The following CD84 variants were observed in gnomAD, a reference collection of about 807,000 sequenced individuals.
The protein encoded by CD84 is SLAM family member 5.
A neutral mutation model predicts 33.8 loss-of-function variants in CD84; 22 were observed. The ratio of observed to expected loss-of-function variants is 0.65; its 90% CI spans 0.46 to 0.93. The LOEUF (loss-of-function observed/expected upper bound fraction) is 0.93. CD84 is among the 40% of genes least tolerant of loss of function. CD84 has a pLI of 0.00. For synonymous variants in CD84, 154 were observed against 145.2 expected, an observed-to-expected ratio of 1.06 and a Z score of -0.44; for missense variants, 400 against 397.6, an observed-to-expected ratio of 1.01 and a Z score of -0.05.
chr1:160,574,260 G>A (rs1381806076), intron 1 of CD84, among the ~76,000 whole-genome samples: 1 of 151,996 alleles, frequency 6.6e-6, no homozygotes, highest in East Asian at 1.9e-4. Context: ...GATGTGAAAG[G>A]TCAAGTATTT....
chr1:160,548,917 C>T (rs902187074), intron 6 of CD84, among the ~76,000 whole-genome samples: 9 of 152,166 alleles, frequency 5.9e-5, no homozygotes, highest in Non-Finnish European at 8.8e-5. Flanking sequence ...AGTTAAGTTA[C>T]TCTTGTTCCT....
rs1470143457 is a variant in CD84 at position 160,544,120 on chromosome 1, C to A, written c.*4136G>T. ...ACATTTATGACCACTCATTATATTT[C>A]CTCTTATTGTCTTTGTTCTTCAAAC... On this transcript the variant is annotated 3_prime_UTR_variant, in exon 7 of 7. Coordinates refer to ENST00000368054, the MANE Select transcript of CD84 (RefSeq NM_003874.4). 1 of 150,122 alleles carries A rather than the reference C, an allele frequency of 6.7e-6. No individual in the cohort carries two copies. The highest frequency in any genetic ancestry group is 2.4e-5 in the African/African-American group (1 of 40,876). 9.3% of individuals were successfully genotyped at this position (150,122 alleles called of 1,614,324 possible).
chr1:160,557,778 G>A (rs1230324975), intron 2 of CD84, among the ~76,000 whole-genome samples: 1 of 152,214 alleles, frequency 6.6e-6, no homozygotes, highest in Non-Finnish European at 1.5e-5. Flanking sequence ...GGGGGCGTCT[G>A]CCATCTCTGT....
chr1:160,579,131 T>C (rs1418947304), intron 1 of CD84, among the ~76,000 whole-genome samples: 1 of 152,164 alleles, frequency 6.6e-6, no homozygotes, highest in Non-Finnish European at 1.5e-5. Context: ...GAGAAGGATT[T>C]GCCTCAGACC....
Position 160,544,663 on chromosome 1 carries a change from C to G in CD84, c.*3593G>C, listed in dbSNP as rs1655720655. The G allele has an allele frequency of 6.6e-6, 1 of 152,142 alleles. No individual in the cohort carries two copies. The highest frequency in any genetic ancestry group is 2.4e-5 in the African/African-American group (1 of 41,398). The allele number at this position is 152,142 out of a possible 1,614,324, so 9.4% of individuals were successfully genotyped here. A position where few individuals can be genotyped will look rare whatever the true frequency, so the allele number is the denominator to read the frequency against. On this transcript the variant is annotated 3_prime_UTR_variant, in exon 7 of 7. Transcript: ENST00000368054. Reference sequence around the variant, plus strand: ...CCCCTTCCTGCCTGTGCCCGATTTCCAAGCTGGCCCAACCAGGCTATTCCC... The same window carrying G: ...CCCCTTCCTGCCTGTGCCCGATTTCGAAGCTGGCCCAACCAGGCTATTCCC...
intron 2 of CD84, among the ~76,000 whole-genome samples, chr1:160,565,011 C>T (rs901877008): frequency 6.6e-6 from 1 of 152,178 alleles, no homozygotes; most frequent in African/African-American, 2.4e-5. Flanking sequence ...GTGAAGGGTA[C>T]ATAGAACCTC....
intron 1 of CD84, among the ~76,000 whole-genome samples, chr1:160,577,596 C>T (rs1182229246): frequency 1.3e-5 from 2 of 152,126 alleles, no homozygotes; most frequent in Non-Finnish European, 2.9e-5. Context: ...TGTTTATGTT[C>T]CTTGGACAAT....
intron 2 of CD84, among the ~76,000 whole-genome samples, chr1:160,561,717 C>T (rs1333934794): frequency 1.3e-5 from 2 of 152,146 alleles, no homozygotes; most frequent in Non-Finnish European, 2.9e-5. Context: ...GAGAGGAAGT[C>T]AAACTGTCTC....
chr1:160,572,113 G>A (rs1657730560), intron 1 of CD84, among the ~76,000 whole-genome samples: 1 of 152,236 alleles, frequency 6.6e-6, no homozygotes. Context: ...AGCCAGGTGG[G>A]CTTGTGCTCA....
rs370760341 is a variant in CD84 at position 160,550,888 on chromosome 1, C to T, written c.858+50G>A. 24 of 1,601,922 alleles carry T rather than the reference C, an allele frequency of 1.5e-5. No individual in the cohort carries two copies. The African/African-American group carries it at 3.1e-4, about 21-fold the overall frequency. On this transcript the variant is annotated intron_variant, in intron 5 of 6. Coordinates refer to ENST00000368054, the MANE Select transcript of CD84 (RefSeq NM_003874.4). ...AGAGGCAATGGCTGCCCATGACTCC[C>T]TGTCATGGAGATGGTGGCACAGGGG...
At chr1:160,571,076 T>C (rs1553234045) in intron 1 of CD84, 1 of 152,136 alleles carries the variant, frequency 6.6e-6, no homozygotes, top group Non-Finnish European at 1.5e-5. Context: ...GACTGTGAAC[T>C]GCCAACTCCG....
At chr1:160,550,249 C>A (rs755903532) in intron 5 of CD84, among the ~76,000 whole-genome samples, 4 of 151,984 alleles carry the variant, frequency 2.6e-5, no homozygotes, top group Non-Finnish European at 5.9e-5. Context: ...CAGGATGAGT[C>A]CTGCTCAGTC....
rs1215466062 is a variant in CD84 at position 160,542,448 on chromosome 1, G to A, written c.*5808C>T. The A allele has an allele frequency of 6.6e-6, 1 of 152,172 alleles. No individual in the cohort carries two copies. The highest frequency in any genetic ancestry group is 2.4e-5 in the African/African-American group (1 of 41,436). 9.4% of individuals were successfully genotyped at this position (152,172 alleles called of 1,614,324 possible). A position where few individuals can be genotyped will look rare whatever the true frequency, so the allele number is the denominator to read the frequency against. ...ATTTTGGACACGCTAAACTTGAGGT[G>A]ACTTCTGACATCTATGCAGAGATGA... is the stretch of plus-strand genomic sequence containing the variant. On this transcript the variant is annotated 3_prime_UTR_variant, in exon 7 of 7. Transcript: ENST00000368054.
chr1:160,560,153 C>T (rs1656856694), intron 2 of CD84, among the ~76,000 whole-genome samples: 1 of 152,044 alleles, frequency 6.6e-6, no homozygotes, highest in East Asian at 1.9e-4. Flanking sequence ...ACCTGTAGAC[C>T]TCTACAGAAC....
intron 1 of CD84, among the ~76,000 whole-genome samples, chr1:160,579,062 T>G (rs1658140259): frequency 6.6e-6 from 1 of 152,178 alleles, no homozygotes; most frequent in African/African-American, 2.4e-5. Flanking sequence ...ATTCAAGCTT[T>G]TAGAAGATCT....
chr1:160,562,366 A>G (rs116341289), intron 2 of CD84, among the ~76,000 whole-genome samples: 1,606 of 152,338 alleles, frequency 0.011, 13 homozygotes, highest in East Asian at 0.024. Context: ...CGGCACTGGT[A>G]CAAAAACAGA....
chr1:160,554,879 T>A (rs1032066977), intron 2 of CD84, among the ~76,000 whole-genome samples: 1 of 152,062 alleles, frequency 6.6e-6, no homozygotes, highest in African/African-American at 2.4e-5. Flanking sequence ...TATCCTCTAG[T>A]GCCCTCTCAG....
chr1:160,550,024 T>C (rs75669774), intron 5 of CD84, 45 bp from the exon 6 acceptor site: 1 of 1,255,154 alleles, frequency 8.0e-7, no homozygotes, highest in Non-Finnish European at 1.1e-6. Flanking sequence ...CCCAGGCCCA[T>C]CTACAAGTCC....
intron 2 of CD84, among the ~76,000 whole-genome samples, chr1:160,562,334 G>C (rs1201290853): frequency 2.0e-5 from 3 of 152,034 alleles, no homozygotes. Flanking sequence ...TATACTACAA[G>C]GCCAAGGTAA....
Sources: allele counts gnomAD v4.1 joint callset (sites outside exome capture counted in the v4.1 genomes callset), GRCh38; gene constraint gnomAD v4.1.1; transcripts MANE v1.5; gene names NCBI Gene and HGNC (gene_info 2026-07-23, HGNC 2026-07-21).